The following DLG5 variants were observed in gnomAD, a reference collection of about 807,000 sequenced individuals.
DLG5 encodes discs large MAGUK scaffold protein 5, also known as disks large homolog 5.
A neutral mutation model predicts 189.8 loss-of-function variants in DLG5; 48 were observed. The observed-to-expected ratio is 0.25, with a 90% CI of 0.20 to 0.32. The LOEUF (loss-of-function observed/expected upper bound fraction) is 0.32, where lower values mean the gene tolerates loss of function less well. Ranked by LOEUF, DLG5 falls within the 10% of genes least tolerant of loss-of-function variation. The probability of loss-of-function intolerance (pLI) is 1.00; values close to 1 mark genes in which losing one functional copy is unlikely to be tolerated. For synonymous variants in DLG5, 1,016 were observed against 1,054.1 expected (o/e 0.96, Z 0.70); for missense variants, 2,160 against 2,544.7 (o/e 0.85, Z 3.25).
upstream of DLG5, among the ~76,000 whole-genome samples, chr10:77,931,612 C>T (rs1220957800): frequency 2.0e-5 from 3 of 152,102 alleles, no homozygotes; most frequent in African/African-American, 7.2e-5. Context: ...CTGATGCCAC[C>T]TCCAGGCCTT....
chr10:77,808,230 A>C (rs909560837), intron 24 of DLG5, among the ~76,000 whole-genome samples: 5 of 152,208 alleles, frequency 3.3e-5, no homozygotes, highest in African/African-American at 1.2e-4. Flanking sequence ...TGGGCTTTTC[A>C]GAATAGGGAC....
chr10:77,794,601 A>G (rs966027861), intron 30 of DLG5, among the ~76,000 whole-genome samples: 1 of 152,222 alleles, frequency 6.6e-6, no homozygotes, highest in Admixed American at 6.5e-5. Flanking sequence ...GCCATGCCCA[A>G]AAAACAGTGG....
intron 18 of DLG5, 46 bp downstream of exon 18, chr10:77,817,731 A>C: frequency 2.0e-6 from 3 of 1,508,582 alleles, no homozygotes; most frequent in Non-Finnish European, 2.7e-6. Flanking sequence ...GCAGAGATGA[A>C]AAGCTTGGCA....
chr10:77,912,143 A>G (rs1846240312), intron 1 of DLG5: 2 of 150,130 alleles, frequency 1.3e-5, no homozygotes, highest in African/African-American at 2.5e-5. Flanking sequence ...TCAAGATTAC[A>G]TTGAGCTAGG....
intron 7 of DLG5, among the ~76,000 whole-genome samples, chr10:77,837,032 T>G (rs1315259677): frequency 6.6e-6 from 1 of 151,794 alleles, no homozygotes; most frequent in East Asian, 1.9e-4. Flanking sequence ...CTGACCAACA[T>G]GGTAAAACCC....
At chr10:77,887,408 A>T (rs1845471479) in intron 1 of DLG5, among the ~76,000 whole-genome samples, 1 of 151,870 alleles carries the variant, frequency 6.6e-6, no homozygotes, top group South Asian at 2.1e-4. Context: ...TCCCAGCCTC[A>T]GGCCCCCAGC....
chr10:77,934,857 T>G, the DLG5 span, among the ~76,000 whole-genome samples: 6 of 144,236 alleles, frequency 4.2e-5, no homozygotes, highest in Non-Finnish European at 3.0e-5. Flanking sequence ...TTTTTGTTTT[T>G]TTGTTTTTTT....
At chr10:77,862,940 T>C (rs181975573) in intron 2 of DLG5, among the ~76,000 whole-genome samples, 1 of 152,240 alleles carries the variant, frequency 6.6e-6, no homozygotes, top group African/African-American at 2.4e-5. Flanking sequence ...ATTGCAAAAG[T>C]GCAGAGGGAA....
At chr10:77,816,866 C>G in intron 19 of DLG5, 141 bp downstream of exon 19, 1 of 1,336,686 alleles carries the variant, frequency 7.5e-7, no homozygotes, top group Non-Finnish European at 1.0e-6. Flanking sequence ...CCCCACACCA[C>G]CAGGCCTACT....
chr10:77,851,801 A>G (rs913817269), intron 5 of DLG5, among the ~76,000 whole-genome samples: 4 of 152,186 alleles, frequency 2.6e-5, no homozygotes, highest in Admixed American at 2.6e-4. Flanking sequence ...AATATGGAAT[A>G]CTCCTTTTAT....
upstream of DLG5, chr10:77,927,827 G>A (rs1436293890): frequency 6.6e-6 from 1 of 152,258 alleles, no homozygotes; most frequent in Non-Finnish European, 1.5e-5. Flanking sequence ...CTGACTGCAG[G>A]ACAAGGTCCT....
chr10:77,905,273 T>C (rs190598640), intron 1 of DLG5, among the ~76,000 whole-genome samples: 1 of 152,254 alleles, frequency 6.6e-6, no homozygotes, highest in East Asian at 1.9e-4. Flanking sequence ...AGTGCTGGGA[T>C]TACAGGCATG....
chr10:77,850,937 T>C lies in DLG5; in HGVS notation c.864+2417A>G, dbSNP rs1237754155. Among the ~76,000 whole-genome samples, 3 of 152,070 alleles carry C rather than the reference T, an allele frequency of 2.0e-5. No individual in the cohort carries two copies. The East Asian group carries it at 5.8e-4, about 29-fold the overall frequency. ...ATGATTCTCTCAAGGAAGTATAGAA[T>C]CCAAACTAAACCCCAAGGCAAAAGG... On this transcript the variant is annotated intron_variant, in intron 5 of 31. Coordinates refer to ENST00000372391, the MANE Select transcript of DLG5 (RefSeq NM_004747.4).
chr10:77,920,808 A>T (rs906673754), intron 1 of DLG5, among the ~76,000 whole-genome samples: 10 of 152,220 alleles, frequency 6.6e-5, no homozygotes, highest in African/African-American at 2.4e-4. Context: ...AGCCCACAGC[A>T]TCGATCCAAG....
chr10:77,939,067 C>T, the DLG5 span, among the ~76,000 whole-genome samples: 1 of 152,200 alleles, frequency 6.6e-6, no homozygotes, highest in Non-Finnish European at 1.5e-5. Context: ...GTAATCCCAG[C>T]TACTCGGGAG....
At chr10:77,830,926 C>T (rs367817101) in intron 9 of DLG5, 53 bp from the exon 10 acceptor site, 1 of 1,599,326 alleles carries the variant, frequency 6.3e-7, no homozygotes, top group Non-Finnish European at 8.5e-7. Context: ...AAACATCCCA[C>T]CGCGTAACGG....
the DLG5 span, among the ~76,000 whole-genome samples, chr10:77,938,931 G>A: frequency 2.0e-5 from 3 of 152,234 alleles, no homozygotes; most frequent in Admixed American, 1.3e-4. Flanking sequence ...GCTCACGCCT[G>A]TAATCCCAGC....
At chr10:77,939,762 C>A in the DLG5 span, among the ~76,000 whole-genome samples, 1 of 152,202 alleles carries the variant, frequency 6.6e-6, no homozygotes, top group African/African-American at 2.4e-5. Flanking sequence ...TGCAGCTTTA[C>A]TGGAGGAGTT....
At chr10:77,805,895 T>A (rs1841446739) in intron 26 of DLG5, 34 bp from the exon 27 acceptor site, 1 of 1,579,642 alleles carries the variant, frequency 6.3e-7, no homozygotes, top group South Asian at 1.1e-5. Context: ...GGCAGGGCCA[T>A]CGAGACCCTG....
Sources: gnomAD v4.1 joint callset for allele counts (sites outside exome capture counted in the v4.1 genomes callset) on GRCh38, gnomAD v4.1.1 for gene constraint, MANE v1.5 for transcripts, NCBI Gene and HGNC (gene_info 2026-07-23, HGNC 2026-07-21) for gene names.